KCNH8: variants seen among roughly 807,000 people sequenced by gnomAD.
KCNH8 encodes potassium voltage-gated channel subfamily H member 8, also known as voltage-gated delayed rectifier potassium channel KCNH8.
In KCNH8, 70 loss-of-function variants were observed where a neutral mutation model predicts 103.6. The ratio of observed to expected loss-of-function variants is 0.68; its 90% CI spans 0.56 to 0.82. The LOEUF is 0.82. Among genes scored for constraint, KCNH8 ranks in the 40% least tolerant of loss-of-function variants. The probability of loss-of-function intolerance (pLI) is 0.00; values close to 1 mark genes in which losing one functional copy is unlikely to be tolerated. For missense variants in KCNH8, 1,217 were observed against 1,329.9 expected (o/e 0.92, Z 1.32); for synonymous variants, 498 against 489.4 (o/e 1.02, Z -0.23).
chr3:19,301,349 ATATATAT>A (rs1291958780), intron 3 of KCNH8, among the ~76,000 whole-genome samples: 1 of 148,544 alleles, frequency 6.7e-6, no homozygotes, highest in African/African-American at 2.4e-5. Flanking sequence ...AATATATATA[ATATATAT>A]TTATAAAATA....
chr3:19,194,494 G>C (rs767030598), intron 1 of KCNH8, among the ~76,000 whole-genome samples: 1 of 151,792 alleles, frequency 6.6e-6, no homozygotes, highest in South Asian at 2.1e-4. Context: ...CCTAATGAAA[G>C]AAGTGCTTAT....
In KCNH8 at chr3:19,311,050, G is replaced by A. The variant is rs367864476; in HGVS notation, c.442+29721G>A. Among the ~76,000 whole-genome samples the A allele has an allele frequency of 5.4e-4, 82 of 151,656 alleles. 2 individuals are homozygous for A. The East Asian group carries it at 5.9e-3, about 11-fold the overall frequency. ...CAACCAGAAGGTCACCTCCTTTCCC[G>A]TCTGCTTATCACAGTTACCCATTCT... On this transcript the variant is annotated intron_variant, in intron 3 of 15. Transcript: ENST00000328405.
At chr3:19,195,809 G>C (rs112770004) in intron 1 of KCNH8, among the ~76,000 whole-genome samples, 7,512 of 151,948 alleles carry the variant, frequency 0.049, 673 homozygotes, top group African/African-American at 0.17. Flanking sequence ...ATGTAGCTTC[G>C]ATGTCAGTGG....
chr3:19,322,491 GT>G (rs976340449), intron 3 of KCNH8, among the ~76,000 whole-genome samples: 2 of 152,058 alleles, frequency 1.3e-5, no homozygotes, highest in African/African-American at 4.8e-5. Flanking sequence ...GCTGATAATT[GT>G]TTTGTTTTAG....
intron 3 of KCNH8, among the ~76,000 whole-genome samples, chr3:19,310,387 G>A (rs1185484029): frequency 1.3e-5 from 2 of 151,796 alleles, no homozygotes; most frequent in African/African-American, 4.8e-5. Flanking sequence ...ACCCAATGTG[G>A]TGCAGAATTC....
At chr3:19,415,221 A>G (rs998241070) in intron 7 of KCNH8, among the ~76,000 whole-genome samples, 1 of 151,984 alleles carries the variant, frequency 6.6e-6, no homozygotes. Context: ...CTAGGTACCT[A>G]CATGGGTTAA....
At chr3:19,312,418 C>T (rs1015406006) in intron 3 of KCNH8, among the ~76,000 whole-genome samples, 4 of 151,802 alleles carry the variant, frequency 2.6e-5, no homozygotes, top group South Asian at 2.1e-4. Flanking sequence ...CTTGGCAAGC[C>T]GTATAAGCTT....
At chr3:19,336,957 AAG>A (rs2065592864) in intron 3 of KCNH8, among the ~76,000 whole-genome samples, 1 of 152,054 alleles carries the variant, frequency 6.6e-6, no homozygotes. Context: ...TAGTGCAAGA[AAG>A]AGAGCAAAAT....
chr3:19,487,221 G>C (rs1350205977), intron 11 of KCNH8, among the ~76,000 whole-genome samples: 1 of 152,166 alleles, frequency 6.6e-6, no homozygotes, highest in African/African-American at 2.4e-5. Flanking sequence ...AACAGCTTCT[G>C]GCTCTCAGGA....
intron 1 of KCNH8, among the ~76,000 whole-genome samples, chr3:19,207,417 C>T (rs1226403232): frequency 6.6e-6 from 1 of 151,812 alleles, no homozygotes; most frequent in Admixed American, 6.6e-5. Flanking sequence ...ATGAAAGAAT[C>T]AATAAATGAA....
chr3:19,311,783 G>A (rs960210822), intron 3 of KCNH8, among the ~76,000 whole-genome samples: 6 of 151,764 alleles, frequency 4.0e-5, no homozygotes, highest in Non-Finnish European at 8.8e-5. Context: ...TATGAGATGC[G>A]GACATACATA....
At chr3:19,333,003 A>G (rs1353233875) in intron 3 of KCNH8, among the ~76,000 whole-genome samples, 1 of 152,168 alleles carries the variant, frequency 6.6e-6, no homozygotes, top group Non-Finnish European at 1.5e-5. Flanking sequence ...CATCTTCACC[A>G]GAATTTGATA....
At chr3:19,427,910 G>C (rs185650340) in intron 7 of KCNH8, among the ~76,000 whole-genome samples, 4 of 152,324 alleles carry the variant, frequency 2.6e-5, no homozygotes, top group African/African-American at 9.6e-5. Context: ...AGCACTTACA[G>C]AGAAAAATCT....
chr3:19,496,722 G>C (rs912711570), intron 11 of KCNH8, among the ~76,000 whole-genome samples: 1 of 152,096 alleles, frequency 6.6e-6, no homozygotes, highest in African/African-American at 2.4e-5. Flanking sequence ...AGTTAGGAAG[G>C]AGTCTATCCT....
chr3:19,265,924 C>T (rs1396490760), intron 2 of KCNH8, among the ~76,000 whole-genome samples: 1 of 152,058 alleles, frequency 6.6e-6, no homozygotes, highest in East Asian at 1.9e-4. Flanking sequence ...ATTCATGCTT[C>T]CTGACACTGT....
intron 3 of KCNH8, among the ~76,000 whole-genome samples, chr3:19,290,790 T>C (rs1446351064): frequency 1.3e-5 from 2 of 152,220 alleles, no homozygotes; most frequent in Non-Finnish European, 2.9e-5. Flanking sequence ...TTCCCTCTTT[T>C]TCTATTGATT....
intron 2 of KCNH8, among the ~76,000 whole-genome samples, chr3:19,260,593 C>T (rs1448715572): frequency 6.9e-6 from 1 of 145,080 alleles, no homozygotes; most frequent in Non-Finnish European, 1.5e-5. Context: ...GAGTTACCCA[C>T]TTCCACCCCT....
intron 1 of KCNH8, among the ~76,000 whole-genome samples, chr3:19,252,120 C>T (rs1338403354): frequency 6.6e-6 from 1 of 152,080 alleles, no homozygotes; most frequent in Non-Finnish European, 1.5e-5. Flanking sequence ...ACCTAAAAGT[C>T]ACCCACCAAC....
chr3:19,342,499 T>C, intron 3 of KCNH8, 88 bp from the exon 4 acceptor site: 1 of 1,328,986 alleles, frequency 7.5e-7, no homozygotes, highest in Non-Finnish European at 1.0e-6. Context: ...ACATGTACAA[T>C]ATGCTCTTGA....
Sources: gnomAD v4.1 joint callset for allele counts (sites outside exome capture counted in the v4.1 genomes callset) on GRCh38, gnomAD v4.1.1 for gene constraint, MANE v1.5 for transcripts, NCBI Gene and HGNC (gene_info 2026-07-23, HGNC 2026-07-21) for gene names.